COG3: variants seen among roughly 807,000 people sequenced by gnomAD.
COG3 encodes component of oligomeric golgi complex 3, also known as conserved oligomeric Golgi complex subunit 3.
COG3 carries 32 observed loss-of-function variants against 114.1 expected under a neutral mutation model. The ratio of observed to expected loss-of-function variants is 0.28; its 90% CI spans 0.21 to 0.38. The LOEUF is 0.38. Among genes scored for constraint, COG3 ranks in the 10% least tolerant of loss-of-function variants. The pLI, the probability that COG3 is intolerant of heterozygous loss-of-function variation, is 1.00. For missense variants in COG3, 813 were observed against 973.2 expected (o/e 0.84, Z 2.19); for synonymous variants, 352 against 365.7 (o/e 0.96, Z 0.43).
chr13:45,489,963 GA>G (rs1217977305), intron 8 of COG3, among the ~76,000 whole-genome samples: 1 of 151,986 alleles, frequency 6.6e-6, no homozygotes. Context: ...AATATATTAA[GA>G]AACATCCCAA....
chr13:45,528,294 G>A (rs928071929), intron 20 of COG3, among the ~76,000 whole-genome samples: 1 of 151,976 alleles, frequency 6.6e-6, no homozygotes, highest in Admixed American at 6.6e-5. Context: ...TACTGTCTAC[G>A]GAGTACCTAC....
At chr13:45,513,395 T>TTATATATAATA (rs1871153019) in intron 16 of COG3, among the ~76,000 whole-genome samples, 2 of 72,376 alleles carry the variant, frequency 2.8e-5, no homozygotes, top group African/African-American at 4.6e-5. Flanking sequence ...TACATATAAA[T>TTATATATAATA]TATACATATA....
chr13:45,502,685 G>A (rs993761585), intron 13 of COG3, among the ~76,000 whole-genome samples: 1 of 151,892 alleles, frequency 6.6e-6, no homozygotes, highest in Admixed American at 6.6e-5. Context: ...ACATGGATAA[G>A]TTGTTTAGTG....
At chr13:45,474,747 G>T (rs1239416675) in intron 1 of COG3, among the ~76,000 whole-genome samples, 1 of 152,016 alleles carries the variant, frequency 6.6e-6, no homozygotes, top group African/African-American at 2.4e-5. Flanking sequence ...AAGAGAAAAT[G>T]CTATCTTCAG....
rs184758487 is a variant in COG3 at position 45,510,677 on chromosome 13, A to G, written c.1719+861A>G. 8.5e-4 allele frequency among the ~76,000 whole-genome samples: 130 copies of G among 152,324 alleles called. 1 individual carries two copies. The highest frequency in any genetic ancestry group is 2.7e-3 in the African/African-American group (114 of 41,560). ...AGTAGGTAGGCCTGAGGAGGTCACT[A>G]TGCCAGTTTTGTCTTATGCCTTAGG... On this transcript the variant is annotated intron_variant, in intron 15 of 22. Coordinates refer to ENST00000349995, the MANE Select transcript of COG3 (RefSeq NM_031431.4).
intron 22 of COG3, among the ~76,000 whole-genome samples, chr13:45,533,434 T>C (rs903780781): frequency 6.6e-6 from 1 of 152,158 alleles, no homozygotes; most frequent in Non-Finnish European, 1.5e-5. Context: ...TCTCATTTTT[T>C]CCCTTCCCTG....
In COG3 at chr13:45,534,809, GAGGA is replaced by G; in HGVS notation, c.*80_*83del. The G allele has an allele frequency of 1.3e-6, 2 of 1,486,242 alleles. No individual in the cohort carries two copies. The highest frequency in any genetic ancestry group is 1.8e-6 in the Non-Finnish European group (2 of 1,120,252). The allele number at this position is 1,486,242 out of a possible 1,614,324, so 92.1% of individuals were successfully genotyped here. On this transcript the variant is annotated 3_prime_UTR_variant, in exon 23 of 23. Coordinates refer to ENST00000349995, the MANE Select transcript of COG3 (RefSeq NM_031431.4). ...GAAGTCTTGCAGTCTGCAGGACACC[GAGGA>G]ATCGTATGTGGGAACGTCCCCGAGA...
chr13:45,528,018 T>C (rs3014967), intron 20 of COG3, among the ~76,000 whole-genome samples: 131,398 of 152,164 alleles, frequency 0.86, 57,013 homozygotes, highest in African/African-American at 0.93. Context: ...TTACATTTAA[T>C]GAAACAGATT....
intron 8 of COG3, among the ~76,000 whole-genome samples, chr13:45,489,262 C>CAAAAAAAAAAAAAAAAAAAA (rs377551623): frequency 2.3e-5 from 1 of 43,600 alleles, no homozygotes; most frequent in Non-Finnish European, 3.7e-5. Flanking sequence ...GACCCAGCCT[C>CAAAAAAAAAAAAAAAAAAAA]AAAAAAAAAA....
chr13:45,516,351 C>T, intron 17 of COG3, 88 bp downstream of exon 17: 1 of 1,187,152 alleles, frequency 8.4e-7, no homozygotes, highest in Non-Finnish European at 1.1e-6. Context: ...TTATGTTCAT[C>T]TGCAATTTTT....
chr13:45,478,541 C>T (rs995181365), intron 2 of COG3, among the ~76,000 whole-genome samples: 3 of 148,316 alleles, frequency 2.0e-5, no homozygotes, highest in African/African-American at 7.5e-5. Context: ...GGCGCGATCT[C>T]GGCTCGCTGT....
intron 22 of COG3, among the ~76,000 whole-genome samples, chr13:45,533,414 G>C (rs1566277449): frequency 6.6e-6 from 1 of 151,974 alleles, no homozygotes; most frequent in Non-Finnish European, 1.5e-5. Flanking sequence ...TGCCCCATTT[G>C]CTTCATTTTT....
chr13:45,491,897 CT>C (rs1887040526), intron 10 of COG3, among the ~76,000 whole-genome samples: 1 of 152,060 alleles, frequency 6.6e-6, no homozygotes, highest in South Asian at 2.1e-4. Flanking sequence ...CATAAGCGCT[CT>C]TTTTTGAAAT....
At chr13:45,534,062 G>A (rs186294823) in intron 22 of COG3, among the ~76,000 whole-genome samples, 6 of 152,292 alleles carry the variant, frequency 3.9e-5, no homozygotes, top group Non-Finnish European at 5.9e-5. Context: ...ACTGTGACCC[G>A]GCTCTGGTGT....
chr13:45,504,857 T>G (rs1869953402), intron 14 of COG3, among the ~76,000 whole-genome samples: 1 of 152,114 alleles, frequency 6.6e-6, no homozygotes, highest in East Asian at 1.9e-4. Flanking sequence ...TTGTGTAAGA[T>G]TCACACCAGA....
intron 19 of COG3, among the ~76,000 whole-genome samples, chr13:45,521,817 T>C (rs1872180821): frequency 6.6e-6 from 1 of 151,286 alleles, no homozygotes; most frequent in Non-Finnish European, 1.5e-5. Context: ...TTTTTTTTTT[T>C]TTTTTGAGAC....
At chr13:45,503,456 A>G in intron 14 of COG3, 107 bp downstream of exon 14, 1 of 638,818 alleles carries the variant, frequency 1.6e-6, no homozygotes, top group Non-Finnish European at 2.8e-6. Context: ...GCCTTTGAGG[A>G]GCCCACACTT....
intron 13 of COG3, among the ~76,000 whole-genome samples, chr13:45,501,525 A>G (rs544298444): frequency 6.6e-6 from 1 of 152,224 alleles, no homozygotes; most frequent in Admixed American, 6.5e-5. Flanking sequence ...TATTTTGAGA[A>G]CTTTCTTATT....
chr13:45,466,104 C>G (rs912121315), intron 1 of COG3, among the ~76,000 whole-genome samples: 1 of 152,122 alleles, frequency 6.6e-6, no homozygotes, highest in Non-Finnish European at 1.5e-5. Context: ...GTGGCGTGAC[C>G]TCGGCTCACT....
Sources: allele counts gnomAD v4.1 joint callset (sites outside exome capture counted in the v4.1 genomes callset), GRCh38; gene constraint gnomAD v4.1.1; transcripts MANE v1.5; gene names NCBI Gene and HGNC (gene_info 2026-07-23, HGNC 2026-07-21).